Variants in NALCN observed in about 807,000 individuals in gnomAD.
NALCN encodes the protein sodium leak channel, non-selective.
A neutral mutation model predicts 225.3 loss-of-function variants in NALCN; 111 were observed. That is an observed-to-expected ratio of 0.49 (90% CI 0.42 to 0.58). The LOEUF (loss-of-function observed/expected upper bound fraction) is 0.58, where lower values mean the gene tolerates loss of function less well. NALCN is among the 20% of genes least tolerant of loss of function. NALCN has a pLI of 0.00. For missense variants in NALCN, 1,378 were observed against 2,202.4 expected, an observed-to-expected ratio of 0.63 and a Z score of 7.49; for synonymous variants, 764 against 769.0, an observed-to-expected ratio of 0.99 and a Z score of 0.11.
chr13:101,239,143 G>T (rs2140160256), intron 11 of NALCN, among the ~76,000 whole-genome samples: 1 of 151,968 alleles, frequency 6.6e-6, no homozygotes, highest in African/African-American at 2.4e-5. Context: ...TTCTTTCCTT[G>T]ATCATCTGCT....
intron 10 of NALCN, among the ~76,000 whole-genome samples, chr13:101,276,577 T>C (rs894567123): frequency 6.6e-6 from 1 of 152,254 alleles, no homozygotes; most frequent in Non-Finnish European, 1.5e-5. Context: ...CTTGCATGCC[T>C]GCATATGGTT....
chr13:101,173,082 T>C (rs746233953), intron 15 of NALCN, among the ~76,000 whole-genome samples: 2 of 152,198 alleles, frequency 1.3e-5, no homozygotes, highest in Non-Finnish European at 2.9e-5. Flanking sequence ...TTGAGTGGCG[T>C]TTGCCATCGC....
intron 33 of NALCN, among the ~76,000 whole-genome samples, chr13:101,082,490 T>G (rs1212679352): frequency 5.3e-5 from 8 of 152,222 alleles, no homozygotes; most frequent in Non-Finnish European, 1.0e-4. Context: ...CAACTTGTTT[T>G]GCGTCTCTAT....
At chr13:101,177,960 C>A (rs940301684) in intron 14 of NALCN, among the ~76,000 whole-genome samples, 7 of 152,248 alleles carry the variant, frequency 4.6e-5, no homozygotes, top group African/African-American at 1.7e-4. Flanking sequence ...CAGCCATGCC[C>A]TTTGGAGTCT....
chr13:101,077,770 G>A (rs140533222), intron 34 of NALCN, among the ~76,000 whole-genome samples: 119 of 152,314 alleles, frequency 7.8e-4, no homozygotes, highest in Non-Finnish European at 5.0e-4. Context: ...CATAAGTAAC[G>A]AGGGACTGAA....
At chr13:101,100,206 C>G (rs929445721) in intron 27 of NALCN, among the ~76,000 whole-genome samples, 1 of 152,068 alleles carries the variant, frequency 6.6e-6, no homozygotes, top group Admixed American at 6.6e-5. Context: ...GAGAACCAAA[C>G]GCTGCTTCTT....
At chr13:101,167,881 T>G (rs972339489) in intron 15 of NALCN, among the ~76,000 whole-genome samples, 1 of 151,816 alleles carries the variant, frequency 6.6e-6, no homozygotes, top group Non-Finnish European at 1.5e-5. Context: ...TCATCGTAAG[T>G]CAGAATTCAT....
At chr13:101,158,102 G>A (rs967180539) in intron 15 of NALCN, among the ~76,000 whole-genome samples, 2 of 151,830 alleles carry the variant, frequency 1.3e-5, no homozygotes, top group Non-Finnish European at 2.9e-5. Context: ...CCAAAGTTGG[G>A]GTCAGAGTGG....
intron 39 of NALCN, among the ~76,000 whole-genome samples, chr13:101,066,033 T>C (rs9805515): frequency 0.11 from 16,819 of 152,184 alleles, 1,107 homozygotes; most frequent in South Asian, 0.18. Flanking sequence ...CATGTTTTTC[T>C]ACCATTAAAA....
At chr13:101,304,727 C>A (rs2044094753) in intron 7 of NALCN, among the ~76,000 whole-genome samples, 1 of 151,656 alleles carries the variant, frequency 6.6e-6, no homozygotes, top group South Asian at 2.1e-4. Context: ...TGTGAGCCAC[C>A]ACACCTGGCC....
chr13:101,385,673 T>C (rs771633693), intron 3 of NALCN, among the ~76,000 whole-genome samples: 5 of 152,210 alleles, frequency 3.3e-5, no homozygotes, highest in Non-Finnish European at 7.3e-5. Flanking sequence ...TGTACCAGCA[T>C]TGTTTACCTA....
intron 7 of NALCN, among the ~76,000 whole-genome samples, chr13:101,342,985 T>G (rs2045604956): frequency 6.6e-6 from 1 of 152,208 alleles, no homozygotes; most frequent in South Asian, 2.1e-4. Context: ...AATGGGCTCC[T>G]TTTTAACTAA....
intron 7 of NALCN, among the ~76,000 whole-genome samples, chr13:101,312,414 G>T (rs2044380200): frequency 1.3e-5 from 2 of 151,954 alleles, no homozygotes; most frequent in Non-Finnish European, 2.9e-5. Flanking sequence ...TTTTGAATGT[G>T]TTTGCTCTTG....
intron 27 of NALCN, 74 bp from the exon 28 acceptor site, chr13:101,095,754 CTCTT>C (rs2034469767): frequency 4.0e-6 from 5 of 1,244,600 alleles, no homozygotes; most frequent in Non-Finnish European, 5.7e-6. Context: ...GGATAGGAAA[CTCTT>C]TCTTCTTTCA....
chr13:101,160,547 T>C (rs1213559377), intron 15 of NALCN, among the ~76,000 whole-genome samples: 3 of 152,206 alleles, frequency 2.0e-5, no homozygotes. Flanking sequence ...TCTGTTACCT[T>C]TGCCTAGACT....
rs536978311 is a variant in NALCN at position 101,278,357 on chromosome 13, T to C, written c.1134+5576A>G. On this transcript the variant is annotated intron_variant, in intron 10 of 43. Transcript: ENST00000251127. ...GACCAACATGGTGAAACCCGGTTTC[T>C]ACTAAAAATACAAAAATCAGCCAGG... Among the ~76,000 whole-genome samples the C allele has an allele frequency of 4.0e-5, 6 of 151,886 alleles. No homozygotes were observed. The South Asian group carries it at 1.3e-3, about 32-fold the overall frequency.
intron 12 of NALCN, among the ~76,000 whole-genome samples, chr13:101,235,093 T>C (rs1315245892): frequency 6.6e-6 from 1 of 151,720 alleles, no homozygotes; most frequent in Non-Finnish European, 1.5e-5. Flanking sequence ...TATGTAGTTA[T>C]GTATATAATA....
At chr13:101,360,004 C>T (rs949859723) in intron 6 of NALCN, among the ~76,000 whole-genome samples, 3 of 152,070 alleles carry the variant, frequency 2.0e-5, no homozygotes, top group Non-Finnish European at 4.4e-5. Context: ...AAATATAGGA[C>T]CCAAAAATGT....
At chr13:101,117,936 T>C (rs2035792350) in intron 18 of NALCN, among the ~76,000 whole-genome samples, 1 of 152,154 alleles carries the variant, frequency 6.6e-6, no homozygotes, top group Admixed American at 6.6e-5. Flanking sequence ...GAGGGAGGAA[T>C]GAATAGGTGG....
Sources: gnomAD v4.1 joint callset for allele counts (sites outside exome capture counted in the v4.1 genomes callset) on GRCh38, gnomAD v4.1.1 for gene constraint, MANE v1.5 for transcripts, NCBI Gene and HGNC (gene_info 2026-07-23, HGNC 2026-07-21) for gene names.